The following TNIK variants were observed in gnomAD, a reference collection of about 807,000 sequenced individuals.
TNIK encodes TRAF2 and NCK-interacting protein kinase.
In TNIK, 49 loss-of-function variants were observed where a neutral mutation model predicts 191.3. The observed-to-expected ratio is 0.26, with a 90% CI of 0.20 to 0.32. The LOEUF (loss-of-function observed/expected upper bound fraction) is 0.32, where lower values mean the gene tolerates loss of function less well. TNIK is among the 10% of genes least tolerant of loss of function. TNIK has a pLI of 1.00. For synonymous variants in TNIK, 594 were observed against 600.9 expected, an observed-to-expected ratio of 0.99 and a Z score of 0.17; for missense variants, 1,155 against 1,702.3, an observed-to-expected ratio of 0.68 and a Z score of 5.66.
intron 1 of TNIK, among the ~76,000 whole-genome samples, chr3:171,423,665 C>G (rs1281782794): frequency 6.6e-6 from 1 of 152,126 alleles, no homozygotes; most frequent in African/African-American, 2.4e-5. Flanking sequence ...ACAGAGCCCT[C>G]AGAAATAATG....
intron 2 of TNIK, among the ~76,000 whole-genome samples, chr3:171,261,016 CA>C (rs1747539724): frequency 6.6e-6 from 1 of 152,186 alleles, no homozygotes; most frequent in Admixed American, 6.5e-5. Flanking sequence ...CCACTAGCAA[CA>C]GATTACTTAA....
chr3:171,092,875 T>C (rs73169754), intron 23 of TNIK, among the ~76,000 whole-genome samples: 6 of 152,320 alleles, frequency 3.9e-5, no homozygotes, highest in Non-Finnish European at 7.3e-5. Context: ...ACAGATGACA[T>C]ATGTTTATGT....
At chr3:171,075,584 T>A (rs960038501) in intron 28 of TNIK, among the ~76,000 whole-genome samples, 2 of 152,204 alleles carry the variant, frequency 1.3e-5, no homozygotes, top group African/African-American at 4.8e-5. Context: ...TAAAGCTATG[T>A]CCTTTGAACA....
At chr3:171,374,464 C>T (rs896916781) in intron 1 of TNIK, among the ~76,000 whole-genome samples, 36 of 152,286 alleles carry the variant, frequency 2.4e-4, no homozygotes, top group African/African-American at 8.2e-4. Context: ...AATTCTCCCT[C>T]TTGTGTTTGC....
chr3:171,254,010 T>TA (rs1746560922), intron 2 of TNIK, among the ~76,000 whole-genome samples: 1 of 152,248 alleles, frequency 6.6e-6, no homozygotes, highest in South Asian at 2.1e-4. Context: ...ACCAGCCATT[T>TA]AAAGCCCTCT....
intron 21 of TNIK, chr3:171,106,855 C>G: frequency 1.9e-6 from 1 of 513,928 alleles, no homozygotes; most frequent in Non-Finnish European, 3.9e-6. Flanking sequence ...GAGCCATTCC[C>G]TAGCAAGGCT....
chr3:171,373,938 T>C (rs185036011), intron 1 of TNIK, among the ~76,000 whole-genome samples: 2 of 152,330 alleles, frequency 1.3e-5, no homozygotes, highest in East Asian at 1.9e-4. Context: ...TTTCACATAG[T>C]GCTAGCCTCT....
At position 171,301,784 on chromosome 3, in the gene TNIK, T is replaced by C. The variant is rs916836619; in HGVS notation, c.123+67836A>G. Among the ~76,000 whole-genome samples, 8 of 152,342 alleles carry C rather than the reference T, an allele frequency of 5.3e-5. No individual in the cohort carries two copies. The South Asian group carries it at 1.0e-3, about 20-fold the overall frequency. On this transcript the variant is annotated intron_variant, in intron 2 of 32. Coordinates refer to ENST00000436636, the MANE Select transcript of TNIK (RefSeq NM_015028.4). ...ATCATTTGAACTAATGGAGAAATCT[T>C]AGAAGGGACTGTGTTTAAATGGCAT...
chr3:171,322,204 A>T (rs1245040874), intron 2 of TNIK, among the ~76,000 whole-genome samples: 2 of 152,200 alleles, frequency 1.3e-5, no homozygotes, highest in Non-Finnish European at 2.9e-5. Context: ...AATATGAAAA[A>T]ATTACAATGT....
Position 171,125,986 on chromosome 3 carries a change from G to C in TNIK, c.1939C>G (p.Pro647Ala). Residue 647 changes from proline (P) to alanine (A), a missense_variant, in exon 17 of 33, where the codon CCT (proline) becomes GCT (alanine). By Grantham distance (27) the Pro-to-Ala change is conservative (BLOSUM62 -1). This residue lies in a region of TNIK where 735 missense variants were observed against 848.0 expected (regional missense o/e 0.87). Transcript: ENST00000436636. ...TTTTCAATGCGAGTGGGGAGAGGAG[G>C]ATTTTCCGAGGTGGGATCTGAGTTC... Reference protein sequence around the residue: ...RQNSDPTSENPPLPTRIEKFD... With the variant: ...RQNSDPTSENAPLPTRIEKFD... The C allele has an allele frequency of 6.2e-7, 1 of 1,613,958 alleles. No homozygotes were observed. Among genetic ancestry groups the C allele is most frequent in the Non-Finnish European group, 8.5e-7 (1 of 1,179,882 alleles).
chr3:171,254,388 C>T (rs1201159069), intron 2 of TNIK, among the ~76,000 whole-genome samples: 3 of 152,162 alleles, frequency 2.0e-5, no homozygotes, highest in African/African-American at 7.2e-5. Context: ...TTAGGCTTTA[C>T]CTAGAGCAGT....
intron 2 of TNIK, among the ~76,000 whole-genome samples, chr3:171,318,629 A>C (rs1374212044): frequency 6.6e-6 from 1 of 152,178 alleles, no homozygotes; most frequent in Non-Finnish European, 1.5e-5. Flanking sequence ...AACTGAATGC[A>C]GTTCTTTACA....
intron 2 of TNIK, among the ~76,000 whole-genome samples, chr3:171,293,364 G>T (rs575071440): frequency 2.2e-3 from 331 of 152,260 alleles, no homozygotes; most frequent in African/African-American, 7.5e-3. Context: ...GCCAAACCTG[G>T]TCTCCATTTA....
intron 1 of TNIK, among the ~76,000 whole-genome samples, chr3:171,429,617 C>T (rs1040173446): frequency 2.1e-4 from 32 of 152,204 alleles, no homozygotes; most frequent in African/African-American, 7.7e-4. Flanking sequence ...CCCTATTAGC[C>T]TGTTCAATCT....
intron 1 of TNIK, among the ~76,000 whole-genome samples, chr3:171,376,945 T>C (rs1717346578): frequency 6.6e-6 from 1 of 152,212 alleles, no homozygotes; most frequent in Non-Finnish European, 1.5e-5. Context: ...TTACTAGAGT[T>C]CTTTCACCCC....
chr3:171,448,688 G>A (rs1361139245), intron 1 of TNIK, among the ~76,000 whole-genome samples: 4 of 150,626 alleles, frequency 2.7e-5, no homozygotes, highest in African/African-American at 7.4e-5. Context: ...CTGTCAAACT[G>A]TTTTCCAAAA....
At chr3:171,132,093 C>T (rs181715484) in intron 15 of TNIK, among the ~76,000 whole-genome samples, 1 of 152,282 alleles carries the variant, frequency 6.6e-6, no homozygotes. Flanking sequence ...GTTTCTGCTC[C>T]AACTGCCTGC....
intron 18 of TNIK, among the ~76,000 whole-genome samples, chr3:171,113,291 G>C (rs372025834): frequency 1.3e-5 from 2 of 152,004 alleles, no homozygotes; most frequent in South Asian, 4.1e-4. Flanking sequence ...ACGGGTAGAC[G>C]ATTTTTGGAT....
intron 2 of TNIK, among the ~76,000 whole-genome samples, chr3:171,356,372 C>T (rs1714070636): frequency 6.6e-6 from 1 of 152,146 alleles, no homozygotes; most frequent in Non-Finnish European, 1.5e-5. Context: ...AAAGAATCCA[C>T]TTCTTATCTT....
Sources: allele counts gnomAD v4.1 joint callset (sites outside exome capture counted in the v4.1 genomes callset), GRCh38; gene constraint gnomAD v4.1.1; regional missense constraint gnomAD v4.1.1; transcripts MANE v1.5; gene names NCBI Gene and HGNC (gene_info 2026-07-23, HGNC 2026-07-21).